FHIT: variants seen among roughly 807,000 people sequenced by gnomAD.
FHIT encodes the protein fragile histidine triad diadenosine triphosphatase.
A neutral mutation model predicts 17.9 loss-of-function variants in FHIT; 19 were observed. The observed-to-expected ratio is 1.06, with a 90% CI of 0.74 to 1.56. The LOEUF is 1.56. Among genes scored for constraint, FHIT ranks in the 40% most tolerant of loss-of-function variants. FHIT has a pLI of 0.00. For synonymous variants in FHIT, 81 were observed against 69.7 expected, an observed-to-expected ratio of 1.16 and a Z score of -0.81; for missense variants, 248 against 189.2, an observed-to-expected ratio of 1.31 and a Z score of -1.82.
At chr3:61,003,750 C>T (rs1294667162) in intron 3 of FHIT, among the ~76,000 whole-genome samples, 1 of 152,224 alleles carries the variant, frequency 6.6e-6, no homozygotes, top group Non-Finnish European at 1.5e-5. Flanking sequence ...CAAATTAAAA[C>T]CAGATCAGTA....
At chr3:60,746,204 G>C (rs2042352962) in intron 4 of FHIT, among the ~76,000 whole-genome samples, 1 of 152,184 alleles carries the variant, frequency 6.6e-6, no homozygotes, top group Non-Finnish European at 1.5e-5. Flanking sequence ...GTCCACAGGA[G>C]AGTAAGCAGC....
intron 8 of FHIT, among the ~76,000 whole-genome samples, chr3:59,845,133 C>T (rs1034801865): frequency 2.0e-5 from 3 of 151,998 alleles, no homozygotes; most frequent in Admixed American, 6.6e-5. Flanking sequence ...ATAGCAATGT[C>T]CTCACTTTCA....
At chr3:60,932,102 T>C (rs1343711088) in intron 3 of FHIT, among the ~76,000 whole-genome samples, 2 of 152,146 alleles carry the variant, frequency 1.3e-5, no homozygotes, top group Non-Finnish European at 2.9e-5. Flanking sequence ...GACAACATGG[T>C]AAGAAGTTGA....
intron 4 of FHIT, among the ~76,000 whole-genome samples, chr3:60,741,542 A>G (rs1215260028): frequency 6.6e-6 from 1 of 152,168 alleles, no homozygotes; most frequent in African/African-American, 2.4e-5. Context: ...CTCCACTCGG[A>G]CTCAACTGAT....
At chr3:59,921,940 CTGAG>C (rs1339267720) in intron 8 of FHIT, among the ~76,000 whole-genome samples, 7 of 152,162 alleles carry the variant, frequency 4.6e-5, no homozygotes, top group Admixed American at 4.6e-4. Flanking sequence ...GAAAGACAAG[CTGAG>C]TTCCAAAGTG....
chr3:60,218,284 T>C (rs1559736500), intron 5 of FHIT, among the ~76,000 whole-genome samples: 1 of 152,240 alleles, frequency 6.6e-6, no homozygotes, highest in South Asian at 2.1e-4. Flanking sequence ...CTTAAAATTG[T>C]AGTTAAATAT....
intron 3 of FHIT, among the ~76,000 whole-genome samples, chr3:60,944,554 T>G (rs568761582): frequency 1.3e-5 from 2 of 152,342 alleles, no homozygotes; most frequent in African/African-American, 4.8e-5. Context: ...TTTAATTTAT[T>G]AAGTTATTTA....
At chr3:60,042,047 C>T (rs1459905247) in intron 5 of FHIT, among the ~76,000 whole-genome samples, 2 of 152,166 alleles carry the variant, frequency 1.3e-5, no homozygotes, top group African/African-American at 4.8e-5. Context: ...CCACAGAACA[C>T]TCTCAGACGA....
At chr3:60,395,026 GACA>G (rs2107168891) in intron 5 of FHIT, among the ~76,000 whole-genome samples, 1 of 152,302 alleles carries the variant, frequency 6.6e-6, no homozygotes, top group Non-Finnish European at 1.5e-5. Context: ...AAATAACATG[GACA>G]AAGGTCAAAA....
chr3:60,663,919 A>G (rs1229482142), intron 4 of FHIT, among the ~76,000 whole-genome samples: 2 of 152,192 alleles, frequency 1.3e-5, no homozygotes, highest in African/African-American at 2.4e-5. Context: ...TAGGGATTAT[A>G]TATGTAGACA....
intron 5 of FHIT, among the ~76,000 whole-genome samples, chr3:60,472,970 T>C (rs393593): frequency 0.043 from 6,600 of 152,240 alleles, 180 homozygotes; most frequent in Middle Eastern, 0.1. Context: ...TGCTATATTA[T>C]AGAAATGTTT....
At position 61,024,286 on chromosome 3, in the gene FHIT, T is replaced by G. The variant is rs150641623; in HGVS notation, c.-111+17761A>C. ...CTAAAGAAATTATAATACTAAGACT[T>G]TTATATGACATTCAACCCTGTTTTC... On this transcript the variant is annotated intron_variant, in intron 3 of 9. Coordinates refer to ENST00000492590, the MANE Select transcript of FHIT (RefSeq NM_002012.4). 5.3e-3 allele frequency among the ~76,000 whole-genome samples: 814 copies of G among 152,170 alleles called. 5 individuals are homozygous for G. The highest frequency in any genetic ancestry group is 0.018 in the African/African-American group (752 of 41,516).
intron 5 of FHIT, among the ~76,000 whole-genome samples, chr3:60,294,524 C>T (rs980770377): frequency 1.3e-5 from 2 of 152,176 alleles, no homozygotes; most frequent in Admixed American, 1.3e-4. Flanking sequence ...AATTTACAAA[C>T]AATGAGTACA....
At chr3:60,741,507 T>C in intron 4 of FHIT, among the ~76,000 whole-genome samples, 1 of 152,340 alleles carries the variant, frequency 6.6e-6, no homozygotes, top group African/African-American at 2.4e-5. Context: ...CTGAAGCCAA[T>C]TCTGCTGGGA....
rs1553751700 is a variant in FHIT, at chr3:60,860,584, GTATCATATATCAGGTATATATGATACA to G, written c.-110-38600_-110-38574del. On this transcript the variant is annotated intron_variant, in intron 3 of 9. Coordinates refer to ENST00000492590, the MANE Select transcript of FHIT (RefSeq NM_002012.4). ...TATATCAGGTATATATGATACATAT[GTATCATATATCAGGTATATATGATACA>G]TATGTACATATATATCAGGTATATA... Among the ~76,000 whole-genome samples, 5 of 69,904 alleles carry G rather than the reference GTATCATATATCAGGTATATATGATACA, an allele frequency of 7.2e-5. 1 individual carries two copies. The highest frequency in any genetic ancestry group is 2.3e-4 in the African/African-American group (4 of 17,290). The allele number at this position is 69,904 out of a possible 152,430, so 45.9% of individuals were successfully genotyped here. A position where few individuals can be genotyped will look rare whatever the true frequency, so the allele number is the denominator to read the frequency against.
At chr3:59,973,037 A>G (rs1708257190) in intron 7 of FHIT, among the ~76,000 whole-genome samples, 1 of 152,052 alleles carries the variant, frequency 6.6e-6, no homozygotes, top group South Asian at 2.1e-4. Context: ...TCAGCTAGAC[A>G]GGGTGTGTCT....
chr3:60,903,668 A>G (rs569868220), intron 3 of FHIT, among the ~76,000 whole-genome samples: 16 of 152,352 alleles, frequency 1.1e-4, no homozygotes, highest in African/African-American at 3.6e-4. Context: ...TCACATGGTA[A>G]TAAATGAAGT....
At chr3:60,681,329 T>A (rs1553696820) in intron 4 of FHIT, among the ~76,000 whole-genome samples, 1 of 152,150 alleles carries the variant, frequency 6.6e-6, no homozygotes, top group Non-Finnish European at 1.5e-5. Flanking sequence ...TATCAGTAAA[T>A]GTTTGTGTGT....
At chr3:60,136,563 T>A (rs1172373784) in intron 5 of FHIT, among the ~76,000 whole-genome samples, 2 of 152,152 alleles carry the variant, frequency 1.3e-5, no homozygotes, top group East Asian at 3.9e-4. Flanking sequence ...TGAGCCACTA[T>A]CCAATTTCTA....
Sources: gnomAD v4.1 joint callset for allele counts (sites outside exome capture counted in the v4.1 genomes callset) on GRCh38, gnomAD v4.1.1 for gene constraint, MANE v1.5 for transcripts, NCBI Gene and HGNC (gene_info 2026-07-23, HGNC 2026-07-21) for gene names.